The following PRKCZ variants were observed in gnomAD, a reference collection of about 807,000 sequenced individuals.
The protein encoded by PRKCZ is protein kinase C zeta.
A neutral mutation model predicts 79.5 loss-of-function variants in PRKCZ; 33 were observed. The observed-to-expected ratio is 0.41, with a 90% confidence interval of 0.31 to 0.55. PRKCZ has a LOEUF of 0.55. PRKCZ is among the 20% of genes least tolerant of loss of function. The probability of loss-of-function intolerance (pLI) is 0.19; values close to 1 mark genes in which losing one functional copy is unlikely to be tolerated. For synonymous variants in PRKCZ, 342 were observed against 320.9 expected (o/e 1.07, Z -0.70); for missense variants, 578 against 813.5 (o/e 0.71, Z 3.52).
At chr1:2,096,078 G>A (rs946996792) in intron 4 of PRKCZ, among the ~76,000 whole-genome samples, 2 of 151,546 alleles carry the variant, frequency 1.3e-5, no homozygotes, top group African/African-American at 4.9e-5. Context: ...TGCAGGAGCA[G>A]GCATAGTCCC....
chr1:2,117,366 A>AT (rs1670954930), intron 4 of PRKCZ, among the ~76,000 whole-genome samples: 1 of 133,378 alleles, frequency 7.5e-6, no homozygotes, highest in Non-Finnish European at 1.6e-5. Context: ...TTACTTTTAC[A>AT]GTTTTTTTTT....
chr1:2,072,714 G>T (rs1158440028), intron 4 of PRKCZ, among the ~76,000 whole-genome samples: 3 of 152,102 alleles, frequency 2.0e-5, no homozygotes, highest in Non-Finnish European at 4.4e-5. Context: ...CTAGGAATCG[G>T]TTGGCCTCTC....
At chr1:2,051,683 G>C (rs1013660259) in intron 1 of PRKCZ, among the ~76,000 whole-genome samples, 1 of 152,198 alleles carries the variant, frequency 6.6e-6, no homozygotes, top group East Asian at 1.9e-4. Flanking sequence ...GGTTAGGCGG[G>C]TGACAACTTC....
chr1:2,065,148 T>G (rs1489918366), intron 4 of PRKCZ, among the ~76,000 whole-genome samples: 1 of 152,276 alleles, frequency 6.6e-6, no homozygotes, highest in African/African-American at 2.4e-5. Flanking sequence ...TTGCGTTGTT[T>G]ATTGTAAGTG....
In PRKCZ at chr1:2,156,058, G is replaced by A; in HGVS notation, c.940G>A (p.Val314Ile). ...FEQASSNPFL[V>I]GLHSCFQTTS... ...GCAGGCATCCAGCAACCCCTTCCTG[G>A]TCGGATTACACTCCTGCTTCCAGAC... is the stretch of plus-strand genomic sequence containing the variant. Residue 314 changes from valine (V) to isoleucine (I), a missense_variant, in exon 10 of 18, where the codon GTC becomes ATC. Val to Ile is a conservative substitution (Grantham distance 29). Around this residue, in one of 4 missense-constraint regions of PRKCZ, gnomAD observed 243 missense variants for 467.0 expected, o/e 0.52. Coordinates refer to ENST00000378567, the MANE Select transcript of PRKCZ (RefSeq NM_002744.6). The A allele has an allele frequency of 6.2e-7, 1 of 1,613,926 alleles. No individual in the cohort carries two copies. Among genetic ancestry groups the A allele is most frequent in the Non-Finnish European group, 8.5e-7 (1 of 1,179,894 alleles).
chr1:2,175,434 C>G (rs1685276207), intron 16 of PRKCZ, 121 bp downstream of exon 16: 1 of 778,076 alleles, frequency 1.3e-6, no homozygotes, highest in African/African-American at 1.9e-5. Flanking sequence ...ATCCGAACCC[C>G]AATATCCATC....
chr1:2,076,535 A>C (rs1003888616), intron 4 of PRKCZ, among the ~76,000 whole-genome samples: 19 of 152,300 alleles, frequency 1.2e-4, no homozygotes, highest in Admixed American at 9.1e-4. Context: ...TGAGGTCAGG[A>C]GTTCAAGACC....
At chr1:2,158,958 C>T (rs1047986138) in intron 10 of PRKCZ, among the ~76,000 whole-genome samples, 10 of 151,574 alleles carry the variant, frequency 6.6e-5, no homozygotes, top group African/African-American at 2.4e-4. Context: ...CGGAGTCTTG[C>T]TCTGTCACCC....
chr1:2,119,285 G>A (rs1343626318), intron 4 of PRKCZ, among the ~76,000 whole-genome samples: 3 of 148,444 alleles, frequency 2.0e-5, no homozygotes, highest in Non-Finnish European at 3.0e-5. Context: ...CGCGATTTTG[G>A]CTCACTGCAA....
rs143864233 is a variant in PRKCZ, at chr1:2,185,131, G to A, written c.*122G>A. 194 of 949,144 alleles carry A rather than the reference G, an allele frequency of 2.0e-4. 1 individual carries two copies. The African/African-American group carries it at 2.4e-3, about 12-fold the overall frequency. The allele number at this position is 949,144 out of a possible 1,614,324, so 58.8% of individuals were successfully genotyped here. A position where few individuals can be genotyped will look rare whatever the true frequency, so the allele number is the denominator to read the frequency against. ...GCGGCCAGGGACAGACGCTTGCGCC[G>A]AGACCGCAGAGGGAAGCGTCAGCGG... On this transcript the variant is annotated 3_prime_UTR_variant, in exon 18 of 18. Transcript: ENST00000378567.
rs1660180016 is a variant in PRKCZ, at chr1:2,056,544, A to G, written c.254A>G (p.Gln85Arg). 6.2e-7 allele frequency: 1 copy of G among 1,613,800 alleles called. No homozygotes were observed. Among genetic ancestry groups the G allele is most frequent in the Non-Finnish European group, 8.5e-7 (1 of 1,179,940 alleles). Residue 85 changes from glutamine (Q) to arginine (R), a missense_variant, in exon 3 of 18, where the codon CAG becomes CGG. Gln to Arg is a conservative substitution (Grantham distance 43). This residue lies in a region of PRKCZ where 228 missense variants were observed against 211.6 expected (regional missense o/e 1.08). Coordinates refer to ENST00000378567, the MANE Select transcript of PRKCZ (RefSeq NM_002744.6). ...GAAGAGGCTTTCCGCCTGGCCCGTCAGTGCAGGGATGAAGGCCTCATCATT... is the reference window on the plus strand; with the variant it reads ...GAAGAGGCTTTCCGCCTGGCCCGTCGGTGCAGGGATGAAGGCCTCATCATT... ...ELEEAFRLAR[Q>R]CRDEGLIIHV...
intron 4 of PRKCZ, among the ~76,000 whole-genome samples, chr1:2,077,980 G>C (rs1662753306): frequency 1.3e-5 from 2 of 152,232 alleles, no homozygotes; most frequent in South Asian, 4.1e-4. Context: ...GGTTTCCTTG[G>C]AGTTAATACA....
chr1:2,184,813 A>T, intron 17 of PRKCZ, 109 bp from the exon 18 acceptor site: 1 of 1,376,428 alleles, frequency 7.3e-7, no homozygotes. Flanking sequence ...GCCTGGTGTC[A>T]TCTCTCCAGT....
chr1:2,158,634 G>C (rs1681590243), intron 10 of PRKCZ, among the ~76,000 whole-genome samples: 1 of 152,244 alleles, frequency 6.6e-6, no homozygotes, highest in Non-Finnish European at 1.5e-5. Context: ...GTTCCAAGAA[G>C]GGTTTTGTTT....
At chr1:2,150,187 A>G (rs1362675466) in intron 8 of PRKCZ, among the ~76,000 whole-genome samples, 2 of 150,490 alleles carry the variant, frequency 1.3e-5, no homozygotes, top group Non-Finnish European at 3.0e-5. Context: ...AAAAAAGCAG[A>G]ATCCATTTTG....
chr1:2,092,101 G>T (rs894227194), intron 4 of PRKCZ, among the ~76,000 whole-genome samples: 1 of 152,152 alleles, frequency 6.6e-6, no homozygotes, highest in African/African-American at 2.4e-5. Flanking sequence ...GGACCGGCAG[G>T]CATCGCGCTT....
intron 4 of PRKCZ, among the ~76,000 whole-genome samples, chr1:2,092,786 GC>G (rs1214376248): frequency 6.6e-6 from 1 of 152,230 alleles, no homozygotes; most frequent in African/African-American, 2.4e-5. Context: ...AGCAGGGAGG[GC>G]CCTTGGGACA....
At chr1:2,162,896 A>G (rs1013114128) in intron 10 of PRKCZ, among the ~76,000 whole-genome samples, 6 of 151,392 alleles carry the variant, frequency 4.0e-5, no homozygotes, top group African/African-American at 1.2e-4. Context: ...TCTTCCTTGT[A>G]GTAACTTTCA....
At chr1:2,119,965 G>A (rs1671532672) in intron 4 of PRKCZ, among the ~76,000 whole-genome samples, 1 of 151,842 alleles carries the variant, frequency 6.6e-6, no homozygotes, top group African/African-American at 2.4e-5. Flanking sequence ...TTTTGTTTGT[G>A]TGGGAAATGT....
Sources: allele counts gnomAD v4.1 joint callset (sites outside exome capture counted in the v4.1 genomes callset), GRCh38; gene constraint gnomAD v4.1.1; regional missense constraint gnomAD v4.1.1; transcripts MANE v1.5; gene names NCBI Gene and HGNC (gene_info 2026-07-23, HGNC 2026-07-21).